The following CCSER1 variants were observed in gnomAD, a reference collection of about 807,000 sequenced individuals.
The protein encoded by CCSER1 is coiled-coil serine rich protein 1.
A neutral mutation model predicts 82.0 loss-of-function variants in CCSER1; 41 were observed. That is an observed-to-expected ratio of 0.50 (90% CI 0.39 to 0.65). CCSER1 has a LOEUF of 0.65. Ranked by LOEUF, CCSER1 falls within the 30% of genes least tolerant of loss-of-function variation. The probability of loss-of-function intolerance (pLI) is 0.00; values close to 1 mark genes in which losing one functional copy is unlikely to be tolerated. For missense variants in CCSER1, 1,119 were observed against 1,064.2 expected, an observed-to-expected ratio of 1.05 and a Z score of -0.72; for synonymous variants, 414 against 383.9, an observed-to-expected ratio of 1.08 and a Z score of -0.92.
intron 8 of CCSER1, among the ~76,000 whole-genome samples, chr4:90,899,518 T>C (rs1263653456): frequency 6.6e-6 from 1 of 152,110 alleles, no homozygotes; most frequent in African/African-American, 2.4e-5. Context: ...TGGATATTCT[T>C]GTCTTGTTCT....
At chr4:90,711,365 G>A (rs1740578474) in intron 6 of CCSER1, among the ~76,000 whole-genome samples, 1 of 151,918 alleles carries the variant, frequency 6.6e-6, no homozygotes, top group Admixed American at 6.6e-5. Flanking sequence ...TTCCAATACT[G>A]TGTTGAATAG....
chr4:90,938,205 G>A (rs73834588), intron 9 of CCSER1, among the ~76,000 whole-genome samples: 7,120 of 152,048 alleles, frequency 0.047, 538 homozygotes, highest in African/African-American at 0.16. Context: ...TTGCAGATTA[G>A]CAAAATTCTG....
intron 7 of CCSER1, among the ~76,000 whole-genome samples, chr4:90,753,753 G>T (rs1749080085): frequency 3.9e-5 from 6 of 151,984 alleles, no homozygotes; most frequent in Admixed American, 3.3e-4. Context: ...CATATCAAAC[G>T]CAAGATTAAA....
chr4:90,975,462 A>C (rs2150408632), intron 9 of CCSER1, among the ~76,000 whole-genome samples: 1 of 151,454 alleles, frequency 6.6e-6, no homozygotes, highest in Admixed American at 6.6e-5. Flanking sequence ...TTTTCTAAAT[A>C]ATAAAAGAAT....
chr4:90,516,660 T>C (rs1560645040), intron 5 of CCSER1, among the ~76,000 whole-genome samples: 1 of 152,220 alleles, frequency 6.6e-6, no homozygotes, highest in Non-Finnish European at 1.5e-5. Flanking sequence ...GGAAAGGGTA[T>C]GAGAGCCCAC....
At chr4:90,297,105 T>C (rs941007010) in intron 1 of CCSER1, among the ~76,000 whole-genome samples, 1 of 152,100 alleles carries the variant, frequency 6.6e-6, no homozygotes, top group East Asian at 1.9e-4. Flanking sequence ...TTTCACAATA[T>C]TGATTCTTCC....
At chr4:90,427,537 T>C (rs1316639598) in intron 4 of CCSER1, among the ~76,000 whole-genome samples, 2 of 151,524 alleles carry the variant, frequency 1.3e-5, no homozygotes, top group Non-Finnish European at 1.5e-5. Flanking sequence ...TATGGCACTG[T>C]TTAAGAAATT....
At chr4:90,453,555 G>A (rs1306295066) in intron 4 of CCSER1, among the ~76,000 whole-genome samples, 1 of 152,144 alleles carries the variant, frequency 6.6e-6, no homozygotes, top group East Asian at 1.9e-4. Flanking sequence ...TTGTGGCTCA[G>A]CCAATTTTCC....
intron 10 of CCSER1, among the ~76,000 whole-genome samples, chr4:91,338,987 C>A (rs77504602): frequency 0.22 from 33,961 of 152,134 alleles, 4,355 homozygotes; most frequent in Middle Eastern, 0.38. Flanking sequence ...CATTCAATTT[C>A]TCTTCTGCCT....
At chr4:90,306,126 A>C (rs1486865685) in intron 1 of CCSER1, among the ~76,000 whole-genome samples, 2 of 152,056 alleles carry the variant, frequency 1.3e-5, no homozygotes, top group Non-Finnish European at 2.9e-5. Context: ...AAATAATTAA[A>C]CTCATAGAAG....
intron 10 of CCSER1, among the ~76,000 whole-genome samples, chr4:91,408,434 C>A (rs1358437924): frequency 2.6e-5 from 4 of 152,152 alleles, no homozygotes; most frequent in Non-Finnish European, 5.9e-5. Context: ...TATCAGCCAG[C>A]CTTTTTATGA....
At chr4:90,406,774 A>G (rs890835559) in intron 4 of CCSER1, among the ~76,000 whole-genome samples, 1 of 152,234 alleles carries the variant, frequency 6.6e-6, no homozygotes, top group African/African-American at 2.4e-5. Context: ...GACTAATAAT[A>G]TCAAGATGGA....
rs17017210 is a variant in CCSER1 at position 90,581,451 on chromosome 4, A to T, written c.1725-46574A>T. On this transcript the variant is annotated intron_variant, in intron 5 of 10. Transcript: ENST00000509176. ...GGAAAGGAAGGAAGACTTGGTTAAGATCTGTTTGATTACGTTCTACTTAAT... is the reference window on the plus strand; with the variant it reads ...GGAAAGGAAGGAAGACTTGGTTAAGTTCTGTTTGATTACGTTCTACTTAAT... Among the ~76,000 whole-genome samples the T allele has an allele frequency of 3.6e-3, 545 of 152,254 alleles. 8 individuals carry two copies. The highest frequency in any genetic ancestry group is 0.012 in the African/African-American group (507 of 41,548).
chr4:91,301,476 T>C (rs1269279937), intron 10 of CCSER1, among the ~76,000 whole-genome samples: 1 of 151,294 alleles, frequency 6.6e-6, no homozygotes, highest in East Asian at 2.0e-4. Flanking sequence ...AAATTGTTTC[T>C]CATTATAGGT....
chr4:90,392,856 A>C (rs76791680), intron 3 of CCSER1, among the ~76,000 whole-genome samples: 2 of 152,212 alleles, frequency 1.3e-5, no homozygotes, highest in South Asian at 2.1e-4. Flanking sequence ...AGGATTGAGT[A>C]TGCTTTCTTA....
intron 10 of CCSER1, among the ~76,000 whole-genome samples, chr4:91,232,974 A>G (rs1560533308): frequency 6.6e-6 from 1 of 151,866 alleles, no homozygotes; most frequent in African/African-American, 2.4e-5. Flanking sequence ...AAGGGTACTC[A>G]AGAAAGTATT....
intron 9 of CCSER1, among the ~76,000 whole-genome samples, chr4:90,959,707 T>G (rs1733872766): frequency 7.4e-6 from 1 of 136,028 alleles, no homozygotes; most frequent in African/African-American, 2.7e-5. Flanking sequence ...TAAAGAGACT[T>G]CTGCATCCTG....
At chr4:90,523,062 G>C (rs1001328971) in intron 5 of CCSER1, among the ~76,000 whole-genome samples, 3 of 152,044 alleles carry the variant, frequency 2.0e-5, no homozygotes, top group Non-Finnish European at 4.4e-5. Flanking sequence ...GACATTAAAA[G>C]AATCTTCAGG....
intron 10 of CCSER1, among the ~76,000 whole-genome samples, chr4:91,343,494 A>T (rs1222066838): frequency 6.6e-6 from 1 of 152,168 alleles, no homozygotes; most frequent in Non-Finnish European, 1.5e-5. Flanking sequence ...TAGAGATAAA[A>T]GTAAATCTTT....
Sources: gnomAD v4.1 joint callset for allele counts (sites outside exome capture counted in the v4.1 genomes callset) on GRCh38, gnomAD v4.1.1 for gene constraint, MANE v1.5 for transcripts, NCBI Gene and HGNC (gene_info 2026-07-23, HGNC 2026-07-21) for gene names.